HDAC3: variants seen among roughly 807,000 people sequenced by gnomAD.
HDAC3 encodes SMAP45.
Under a neutral mutation model 62.3 loss-of-function variants are expected in HDAC3, and 21 were observed. The ratio of observed to expected loss-of-function variants is 0.34; its 90% CI spans 0.24 to 0.49. The LOEUF (loss-of-function observed/expected upper bound fraction) is 0.49. Ranked by LOEUF, HDAC3 falls within the 20% of genes least tolerant of loss-of-function variation. The pLI is 0.99. For missense variants in HDAC3, 270 were observed against 556.9 expected (o/e 0.48, Z 5.19); for synonymous variants, 198 against 206.5 (o/e 0.96, Z 0.35).
Position 141,626,784 on chromosome 5 carries a change from GTA to G in HDAC3, c.831-503_831-502del, listed in dbSNP as rs368519118. ...AACATATATATGTGTGTGTGTGTGT[GTA>G]TATATATATATATACACACACACAC... On this transcript the variant is annotated intron_variant, in intron 10 of 14. Coordinates refer to ENST00000305264, the MANE Select transcript of HDAC3 (RefSeq NM_003883.4). The surrounding 1 kb of genome is among the most constrained non-coding windows in gnomAD (Gnocchi z 4.6). Among the ~76,000 whole-genome samples, 8,645 of 129,532 alleles carry G rather than the reference GTA, an allele frequency of 0.067. 308 individuals are homozygous for G. The highest frequency in any genetic ancestry group is 0.099 in the South Asian group (413 of 4,174). The allele number at this position is 129,532 out of a possible 152,430, so 85.0% of individuals were successfully genotyped here. A position where few individuals can be genotyped will look rare whatever the true frequency, so the allele number is the denominator to read the frequency against.
chr5:141,624,372 C>CAAAAAAAAAAAAAAAAAA (rs58610895), intron 14 of HDAC3, among the ~76,000 whole-genome samples: 1 of 22,096 alleles, frequency 4.5e-5, no homozygotes, highest in Non-Finnish European at 7.8e-5. Flanking sequence ...CCGTCTCTAC[C>CAAAAAAAAAAAAAAAAAA]AAAAAAAAAA....
chr5:141,625,454 T>C lies in HDAC3; in HGVS notation c.1060-89A>G. ...TAGCTGCCTTTTACCCCTACCATAC[T>C]GGTTTTCATCTCAGTGGTACCTCTA... is the stretch of plus-strand genomic sequence containing the variant. On this transcript the variant is annotated intron_variant, in intron 13 of 14. Coordinates refer to ENST00000305264, the MANE Select transcript of HDAC3 (RefSeq NM_003883.4). This position sits in a 1 kb window ranked among gnomAD's most constrained non-coding sequence, Gnocchi z 4.0. 1 of 1,452,006 alleles carries C rather than the reference T, an allele frequency of 6.9e-7. No individual in the cohort carries two copies. Among genetic ancestry groups the C allele is most frequent in the Non-Finnish European group, 9.6e-7 (1 of 1,040,036 alleles). The allele number at this position is 1,452,006 out of a possible 1,614,324, so 89.9% of individuals were successfully genotyped here.
chr5:141,635,294 C>T (rs2099905796), intron 2 of HDAC3: 1 of 205,440 alleles, frequency 4.9e-6, no homozygotes, highest in Admixed American at 5.9e-5. Flanking sequence ...CCTCTTTCCT[C>T]TGGATTCTTC....
chr5:141,634,956 C>T lies in HDAC3; in HGVS notation c.139-3G>A, dbSNP rs377126885. ...GAGGCCTGGTATGGCTTGAAGACCTCGGGATGGAGACACAAGATGAACCCA... is the reference window on the plus strand; with the variant it reads ...GAGGCCTGGTATGGCTTGAAGACCTTGGGATGGAGACACAAGATGAACCCA... On this transcript the variant is annotated splice_polypyrimidine_tract_variant and splice_region_variant and intron_variant, in intron 2 of 14. Transcript: ENST00000305264. 1.9e-6 allele frequency: 3 copies of T among 1,613,288 alleles called. No homozygotes were observed. Among genetic ancestry groups the T allele is most frequent in the African/African-American group, 1.3e-5 (1 of 74,844 alleles).
rs761724815 is a variant in HDAC3 at position 141,625,773 on chromosome 5, G to A, written c.980-9C>T. The A allele has an allele frequency of 3.7e-6, 6 of 1,612,892 alleles. No individual in the cohort carries two copies. In the Admixed American group the frequency reaches 6.7e-5, roughly 18 times the overall value. ...AAAGTACTCGAAGTATTCTTGGGGA[G>A]GAGAGGAGAAAGTATGGCTCAGACT... On this transcript the variant is annotated splice_polypyrimidine_tract_variant and intron_variant, in intron 12 of 14. Coordinates refer to ENST00000305264, the MANE Select transcript of HDAC3 (RefSeq NM_003883.4). This position sits in a 1 kb window ranked among gnomAD's most constrained non-coding sequence, Gnocchi z 4.0.
chr5:141,628,747 A>T lies in HDAC3; in HGVS notation c.611-108T>A, dbSNP rs761230125. The T allele has an allele frequency of 1.9e-4, 142 of 756,902 alleles. No individual in the cohort carries two copies. The highest frequency in any genetic ancestry group is 2.1e-4 in the Non-Finnish European group (93 of 448,522). The allele number at this position is 756,902 out of a possible 1,614,324, so 46.9% of individuals were successfully genotyped here. ...CCTCTCATTCCATCTATGTAGCTTC[A>T]CCATAAACTCCCTAGAGCCACTAAA... is the stretch of plus-strand genomic sequence containing the variant. On this transcript the variant is annotated intron_variant, in intron 7 of 14. Transcript: ENST00000305264. This position sits in a 1 kb window ranked among gnomAD's most constrained non-coding sequence, Gnocchi z 4.7.
chr5:141,622,539 G>C (rs1228264748), intron 14 of HDAC3, among the ~76,000 whole-genome samples: 1 of 151,942 alleles, frequency 6.6e-6, no homozygotes, highest in African/African-American at 2.4e-5. Context: ...GGGAGGCGGA[G>C]GTTGCAGTGA....
At position 141,629,529 on chromosome 5, in the gene HDAC3, G is replaced by A. The variant is rs1260525271; in HGVS notation, c.476+155C>T. ...GGCTGAAATGTGAGCAGGCAGTAGG[G>A]AATCTGCAGCAGTGGAAGAGGCAGC... On this transcript the variant is annotated intron_variant, in intron 6 of 14. Transcript: ENST00000305264. The surrounding 1 kb of genome is among the most constrained non-coding windows in gnomAD (Gnocchi z 5.3). The A allele has an allele frequency of 1.2e-5, 11 of 899,124 alleles. No homozygotes were observed. The highest frequency in any genetic ancestry group is 2.0e-5 in the Admixed American group (1 of 49,396). 55.7% of individuals were successfully genotyped at this position (899,124 alleles called of 1,614,324 possible).
At position 141,621,504 on chromosome 5, in the gene HDAC3, G is replaced by A. The variant is rs1333756524; in HGVS notation, c.1251C>T (p.Asp417=). Residue 417 remains aspartate (D), a synonymous_variant, in exon 15 of 15, where the codon GAC becomes GAT. Transcript: ENST00000305264. ...CATCGCTTTCCTTGTCATTGTCATG[G>A]TCTCCATCATAGAACTCATTGGGTG... ...PEAPNEFYDG[D]HDNDKESDVE... is the part of the protein sequence containing the mutation. The A allele has an allele frequency of 6.2e-7, 1 of 1,613,870 alleles. No individual in the cohort carries two copies. The highest frequency in any genetic ancestry group is 1.3e-5 in the African/African-American group (1 of 74,868).
chr5:141,629,829 C>T lies in HDAC3; in HGVS notation c.420+31G>A. 2 of 1,612,756 alleles carry T rather than the reference C, an allele frequency of 1.2e-6. No homozygotes were observed. Among genetic ancestry groups the T allele is most frequent in the Non-Finnish European group, 1.7e-6 (2 of 1,178,744 alleles). On this transcript the variant is annotated intron_variant, in intron 5 of 14. Transcript: ENST00000305264. This position sits in a 1 kb window ranked among gnomAD's most constrained non-coding sequence, Gnocchi z 5.3. ...ATCCTAAACACCTACCCTAGGATGG[C>T]CACTGTCTTTCCCATCACCTCCTCA...
chr5:141,626,250 G>A lies in HDAC3; in HGVS notation c.864C>T (p.Ile288=). 1 of 1,614,156 alleles carries A rather than the reference G, an allele frequency of 6.2e-7. No homozygotes were observed. Among genetic ancestry groups the A allele is most frequent in the South Asian group, 1.1e-5 (1 of 91,084 alleles). Residue 288 remains isoleucine, a synonymous_variant, in exon 11 of 15, where the codon ATC becomes ATT. Transcript: ENST00000305264. The surrounding 1 kb of genome is among the most constrained non-coding windows in gnomAD (Gnocchi z 4.6). ...ECVEYVKSFN[I]PLLVLGGGGY... ...CACCACCACCCAGCACGAGTAGAGG[G>A]ATATTGAAGCTCTTGACATATTCAA...
chr5:141,631,963 G>A (rs1208118426), intron 3 of HDAC3, among the ~76,000 whole-genome samples: 2 of 151,892 alleles, frequency 1.3e-5, no homozygotes, highest in African/African-American at 2.4e-5. Flanking sequence ...GGGGAAAGGA[G>A]CTGAAAGTGG....
At chr5:141,624,046 T>TAAA (rs61366287) in intron 14 of HDAC3, among the ~76,000 whole-genome samples, 2 of 135,802 alleles carry the variant, frequency 1.5e-5, no homozygotes, top group African/African-American at 2.7e-5. Flanking sequence ...TAAAGACTTT[T>TAAA]AAAAAAAAAA....
chr5:141,621,069 G>A lies in HDAC3; in HGVS notation c.*399C>T, dbSNP rs1235964179. 5 of 218,876 alleles carry A rather than the reference G, an allele frequency of 2.3e-5. No individual in the cohort carries two copies. Among genetic ancestry groups the A allele is most frequent in the South Asian group, 1.2e-4 (2 of 17,072 alleles). 13.6% of individuals were successfully genotyped at this position (218,876 alleles called of 1,614,324 possible). ...CTCTCTTCATCTTCCCTGGAAGCAA[G>A]GGGAGGAAGAAGTCAGAACCCAGGG... On this transcript the variant is annotated 3_prime_UTR_variant, in exon 15 of 15. Transcript: ENST00000305264.
chr5:141,624,888 T>C (rs2099904244), intron 14 of HDAC3: 1 of 244,562 alleles, frequency 4.1e-6, no homozygotes, highest in South Asian at 7.1e-5. Flanking sequence ...TGTTTATATG[T>C]ACATACAGAA....
At chr5:141,623,970 C>T (rs2099904059) in intron 14 of HDAC3, among the ~76,000 whole-genome samples, 1 of 151,670 alleles carries the variant, frequency 6.6e-6, no homozygotes, top group African/African-American at 2.4e-5. Context: ...AAAAAAAATT[C>T]CATCCTATCC....
intron 14 of HDAC3, among the ~76,000 whole-genome samples, chr5:141,623,653 G>A (rs987956915): frequency 6.6e-6 from 1 of 152,170 alleles, no homozygotes; most frequent in African/African-American, 2.4e-5. Flanking sequence ...ATCCTTGGAG[G>A]AAGAGAGTTG....
rs980361592 is a variant in HDAC3, at chr5:141,625,757, G to C, written c.987C>G (p.Phe329Leu). The C allele has an allele frequency of 1.2e-6, 2 of 1,613,850 alleles. No individual in the cohort carries two copies. Among genetic ancestry groups the C allele is most frequent in the Non-Finnish European group, 1.7e-6 (2 of 1,179,854 alleles). Reference sequence around the variant, plus strand: ...GTGTGAAGTCTGGGGCAAAGTACTCGAAGTATTCTTGGGGAGGAGAGGAGA... The same window carrying C: ...GTGTGAAGTCTGGGGCAAAGTACTCCAAGTATTCTTGGGGAGGAGAGGAGA... Reference protein sequence around the residue: ...ISEELPYSEYFEYFAPDFTLH... With the variant: ...ISEELPYSEYLEYFAPDFTLH... Residue 329 changes from phenylalanine to leucine, a missense_variant, in exon 13 of 15, where the codon TTC becomes TTG. Physicochemically the swap from Phe to Leu is conservative, Grantham distance 22. Around this residue, in one of 5 missense-constraint regions of HDAC3, gnomAD observed 156 missense variants for 383.9 expected, o/e 0.41. Coordinates refer to ENST00000305264, the MANE Select transcript of HDAC3 (RefSeq NM_003883.4). The surrounding 1 kb of genome is among the most constrained non-coding windows in gnomAD (Gnocchi z 4.0).
rs374113084 is a variant in HDAC3 at position 141,626,596 on chromosome 5, C to T, written c.831-313G>A. ...TAGCCTTGAAAATATAACTCACGCCCGGCGCGGTGCTCACGCCTTTGTAGT... is the reference window on the plus strand; with the variant it reads ...TAGCCTTGAAAATATAACTCACGCCTGGCGCGGTGCTCACGCCTTTGTAGT... On this transcript the variant is annotated intron_variant, in intron 10 of 14. Coordinates refer to ENST00000305264, the MANE Select transcript of HDAC3 (RefSeq NM_003883.4). This position sits in a 1 kb window ranked among gnomAD's most constrained non-coding sequence, Gnocchi z 4.6. 5.4e-5 allele frequency: 19 copies of T among 351,032 alleles called. No homozygotes were observed. The highest frequency in any genetic ancestry group is 2.3e-4 in the African/African-American group (11 of 47,432). The allele number at this position is 351,032 out of a possible 1,614,324, so 21.7% of individuals were successfully genotyped here.
Sources: allele counts gnomAD v4.1 joint callset (sites outside exome capture counted in the v4.1 genomes callset), GRCh38; gene constraint gnomAD v4.1.1; regional missense constraint gnomAD v4.1.1; non-coding constraint Gnocchi (gnomAD v3.1); transcripts MANE v1.5; gene names NCBI Gene and HGNC (gene_info 2026-07-23, HGNC 2026-07-21).